The following KIF1B variants were observed in gnomAD, a reference collection of about 807,000 sequenced individuals.
KIF1B encodes kinesin-like protein KIF1B.
In KIF1B, 76 loss-of-function variants were observed where a neutral mutation model predicts 241.9. The ratio of observed to expected loss-of-function variants is 0.31; its 90% CI spans 0.26 to 0.38. KIF1B has a LOEUF of 0.38. Among genes scored for constraint, KIF1B ranks in the 10% least tolerant of loss-of-function variants. The probability of loss-of-function intolerance (pLI) is 1.00; values close to 1 mark genes in which losing one functional copy is unlikely to be tolerated. For synonymous variants in KIF1B, 750 were observed against 796.7 expected (o/e 0.94, Z 0.99); for missense variants, 1,622 against 2,271.4 (o/e 0.71, Z 5.81).
chr1:10,212,890 GTATA>G (rs201066671), intron 1 of KIF1B, among the ~76,000 whole-genome samples: 5,875 of 108,870 alleles, frequency 0.054, 159 homozygotes, highest in Middle Eastern at 0.078. Flanking sequence ...ATGCGTGTGT[GTATA>G]TATATATATA....
At position 10,227,960 on chromosome 1, in the gene KIF1B, G is replaced by A. The variant is rs377338305; in HGVS notation, c.-79-4290G>A. Among the ~76,000 whole-genome samples the A allele has an allele frequency of 4.6e-5, 7 of 151,066 alleles. No homozygotes were observed. The South Asian group carries it at 6.3e-4, about 14-fold the overall frequency. On this transcript the variant is annotated intron_variant, in intron 1 of 48. Coordinates refer to ENST00000676179, the MANE Select transcript of KIF1B (RefSeq NM_001365951.3). ...AGCACTTTGGGAGACTGAGGTGGGCGGATCATATGAGGTCAGGAGTTTGAG... is the reference window on the plus strand; with the variant it reads ...AGCACTTTGGGAGACTGAGGTGGGCAGATCATATGAGGTCAGGAGTTTGAG...
In KIF1B at chr1:10,271,487, A is replaced by G. The variant is rs755866386; in HGVS notation, c.721-15A>G. 7.2e-5 allele frequency: 114 copies of G among 1,593,854 alleles called. 1 individual carries two copies. The highest frequency in any genetic ancestry group is 9.6e-5 in the Non-Finnish European group (112 of 1,161,740). The stretch of plus-strand genomic sequence containing the variant: ...CTTATTTTTGAATTGCCCCCATGTT[A>G]TTGTTCTTTATCAGGTCAGTAAAAT... On this transcript the variant is annotated splice_polypyrimidine_tract_variant and intron_variant, in intron 7 of 48. Transcript: ENST00000676179.
chr1:10,233,474 TGC>T (rs1271962109), intron 2 of KIF1B, among the ~76,000 whole-genome samples: 2 of 151,940 alleles, frequency 1.3e-5, no homozygotes, highest in Non-Finnish European at 2.9e-5. Flanking sequence ...AGCAAGACCC[TGC>T]TTCAAAAAAA....
intron 1 of KIF1B, among the ~76,000 whole-genome samples, chr1:10,219,935 G>T (rs1193217200): frequency 6.6e-6 from 1 of 151,490 alleles, no homozygotes; most frequent in Non-Finnish European, 1.5e-5. Flanking sequence ...GGGCGCGGTG[G>T]TTCATGCTTG....
intron 15 of KIF1B, among the ~76,000 whole-genome samples, chr1:10,285,264 C>G (rs541498105): frequency 6.6e-6 from 1 of 152,316 alleles, no homozygotes; most frequent in East Asian, 1.9e-4. Flanking sequence ...AAAGCCTTAG[C>G]TCTTACACTT....
intron 35 of KIF1B, among the ~76,000 whole-genome samples, chr1:10,346,972 C>T (rs1308064362): frequency 6.6e-6 from 1 of 152,140 alleles, no homozygotes; most frequent in Non-Finnish European, 1.5e-5. Context: ...TGCCAAATAT[C>T]CCCCAGGGAG....
chr1:10,278,282 T>TA (rs904551250), intron 13 of KIF1B, among the ~76,000 whole-genome samples, 154 bp downstream of exon 13: 3 of 152,190 alleles, frequency 2.0e-5, no homozygotes, highest in African/African-American at 7.2e-5. Context: ...TCTTTTTCCT[T>TA]AAAAAACCCA....
intron 10 of KIF1B, 62 bp from the exon 11 acceptor site, chr1:10,275,366 C>T (rs1251631826): frequency 3.5e-6 from 3 of 867,416 alleles, no homozygotes; most frequent in Non-Finnish European, 6.0e-6. Flanking sequence ...GACTGATTTG[C>T]CTTTCTTGGG....
rs571875321 is a variant in KIF1B at position 10,219,482 on chromosome 1, C to A, written c.-80+8604C>A. Among the ~76,000 whole-genome samples the A allele has an allele frequency of 6.5e-4, 98 of 150,812 alleles. 1 individual carries two copies. Among genetic ancestry groups the A allele is most frequent in the African/African-American group, 2.1e-3 (88 of 41,000 alleles). ...TCTTAAAAGTAAAAAATAGGCCAGG[C>A]CTTATGGCTCACGCCTGTAATCCCA... is the stretch of plus-strand genomic sequence containing the variant. On this transcript the variant is annotated intron_variant, in intron 1 of 48. Transcript: ENST00000676179.
rs561676701 is a variant in KIF1B at position 10,210,578 on chromosome 1, G to T, written c.-380G>T. ...GAGGGCCGAAGCGGGGCAGTGTGAC[G>T]GCAGCGGTCCTGGGAGGCGCCCGCG... On this transcript the variant is annotated 5_prime_UTR_variant, in exon 1 of 49. Transcript: ENST00000676179. The surrounding 1 kb of genome is among the most constrained non-coding windows in gnomAD (Gnocchi z 4.1). Among the ~76,000 whole-genome samples, 1 of 152,048 alleles carries T rather than the reference G, an allele frequency of 6.6e-6. No homozygotes were observed. Among genetic ancestry groups the T allele is most frequent in the African/African-American group, 2.4e-5 (1 of 41,434 alleles).
intron 7 of KIF1B, among the ~76,000 whole-genome samples, chr1:10,270,766 T>TA (rs947486913): frequency 6.6e-6 from 1 of 151,496 alleles, no homozygotes; most frequent in African/African-American, 2.4e-5. Flanking sequence ...CTACTAAAAA[T>TA]ACAAAAAAAA....
chr1:10,264,859 C>T (rs1294850182), intron 5 of KIF1B, among the ~76,000 whole-genome samples: 1 of 152,158 alleles, frequency 6.6e-6, no homozygotes, highest in East Asian at 1.9e-4. Flanking sequence ...CACAGGGTTT[C>T]ACCATGTTGG....
At chr1:10,343,086 G>A in intron 33 of KIF1B, 146 bp from the exon 34 acceptor site, 1 of 803,968 alleles carries the variant, frequency 1.2e-6, no homozygotes, top group Non-Finnish European at 2.1e-6. Flanking sequence ...CTTCTGTACT[G>A]TCACAGAACT....
chr1:10,242,142 C>T (rs189559527), intron 2 of KIF1B, among the ~76,000 whole-genome samples: 8 of 152,208 alleles, frequency 5.3e-5, no homozygotes, highest in Non-Finnish European at 1.0e-4. Flanking sequence ...TTTTGTTATT[C>T]AGCAAGCCTA....
intron 2 of KIF1B, among the ~76,000 whole-genome samples, chr1:10,253,808 T>C (rs1647606126): frequency 6.6e-6 from 1 of 152,246 alleles, no homozygotes; most frequent in Non-Finnish European, 1.5e-5. Flanking sequence ...TCTAGAACCA[T>C]GTCTCCTTGT....
intron 22 of KIF1B, chr1:10,308,357 A>G (rs537297485): frequency 7.4e-5 from 78 of 1,052,342 alleles, no homozygotes; most frequent in Non-Finnish European, 8.7e-5. Context: ...AGATATTCTT[A>G]GCTTGAACCA....
At chr1:10,353,974 T>C (rs1388774091) in intron 38 of KIF1B, among the ~76,000 whole-genome samples, 2 of 152,132 alleles carry the variant, frequency 1.3e-5, no homozygotes, top group East Asian at 3.8e-4. Context: ...CTATGAAAAA[T>C]GTATTGTAAA....
Position 10,380,785 on chromosome 1 carries a change from G to A in KIF1B, c.*4198G>A, listed in dbSNP as rs1639002263. The A allele has an allele frequency of 4.6e-6, 1 of 218,538 alleles. No individual in the cohort carries two copies. Among genetic ancestry groups the A allele is most frequent in the South Asian group, 1.9e-4 (1 of 5,400 alleles). 13.5% of individuals were successfully genotyped at this position (218,538 alleles called of 1,614,324 possible). A position where few individuals can be genotyped will look rare whatever the true frequency, so the allele number is the denominator to read the frequency against. ...GTTTACATAGGACTCTAACTTGTGT[G>A]CACTACAGTTGTTCACCAGGGCCAG... On this transcript the variant is annotated 3_prime_UTR_variant, in exon 49 of 49. Transcript: ENST00000676179.
Position 10,365,441 on chromosome 1 carries a change from TGA to T in KIF1B, c.4550_4551del (p.Arg1517ThrfsTer3). The T allele has an allele frequency of 6.2e-7, 1 of 1,614,194 alleles. No individual in the cohort carries two copies. Among genetic ancestry groups the T allele is most frequent in the Non-Finnish European group, 8.5e-7 (1 of 1,180,030 alleles). ...AAACCCGCCACTTTTTGCTGCTGCG[TGA>T]GAGACTTGGTGACAGCATCCCCAAA... ...EKTRHFLLLR[E>X]RLGDSIPKSL... On this transcript the variant is annotated frameshift_variant, in exon 43 of 49. Transcript: ENST00000676179. LOFTEE classifies it high-confidence loss of function. The surrounding 1 kb of genome is among the most constrained non-coding windows in gnomAD (Gnocchi z 4.0).
Sources: gnomAD v4.1 joint callset for allele counts (sites outside exome capture counted in the v4.1 genomes callset) on GRCh38, gnomAD v4.1.1 for gene constraint, Gnocchi (gnomAD v3.1) non-coding constraint, MANE v1.5 for transcripts, NCBI Gene and HGNC (gene_info 2026-07-23, HGNC 2026-07-21) for gene names.